BCAS3: variants seen among roughly 807,000 people sequenced by gnomAD.
The protein encoded by BCAS3 is BCAS3 microtubule associated cell migration factor.
BCAS3 carries 53 observed loss-of-function variants against 116.1 expected under a neutral mutation model. That is an observed-to-expected ratio of 0.46 (90% CI 0.37 to 0.57). The LOEUF (loss-of-function observed/expected upper bound fraction) is 0.57. Among genes scored for constraint, BCAS3 ranks in the 20% least tolerant of loss-of-function variants. BCAS3 has a pLI of 0.00. For synonymous variants in BCAS3, 391 were observed against 408.2 expected, an observed-to-expected ratio of 0.96 and a Z score of 0.51; for missense variants, 917 against 1,165.4, an observed-to-expected ratio of 0.79 and a Z score of 3.10.
chr17:61,175,447 T>A (rs1415958645), intron 22 of BCAS3, among the ~76,000 whole-genome samples: 1 of 151,984 alleles, frequency 6.6e-6, no homozygotes, highest in Non-Finnish European at 1.5e-5. Context: ...TTGAGATCAG[T>A]AACTCACATA....
At chr17:60,818,683 G>C (rs1352277986) in intron 7 of BCAS3, among the ~76,000 whole-genome samples, 2 of 152,096 alleles carry the variant, frequency 1.3e-5, no homozygotes, top group Non-Finnish European at 2.9e-5. Context: ...GCAGTTCCTT[G>C]GCACCAAATC....
Position 61,037,846 on chromosome 17 carries a change from T to G in BCAS3, c.1763-43T>G. On this transcript the variant is annotated intron_variant, in intron 17 of 23. Coordinates refer to ENST00000407086, the MANE Select transcript of BCAS3 (RefSeq NM_017679.5). This position sits in a 1 kb window ranked among gnomAD's most constrained non-coding sequence, Gnocchi z 4.7. ...TTGTAAAAATTATTCTGTGCTCCAT[T>G]TATGCCATCATAACACATCGGGTTC... 1 of 1,564,530 alleles carries G rather than the reference T, an allele frequency of 6.4e-7. No individual in the cohort carries two copies. The highest frequency in any genetic ancestry group is 8.8e-7 in the Non-Finnish European group (1 of 1,141,086).
rs2074641387 is a variant in BCAS3, at chr17:61,106,237, A to C, written c.2425+21673A>C. On this transcript the variant is annotated intron_variant, in intron 22 of 23. Transcript: ENST00000407086. The surrounding 1 kb of genome is among the most constrained non-coding windows in gnomAD (Gnocchi z 4.2). ...ATATAGGAAAAAACATGGTATATACAGTCATGTATGGCATAGTGACCTTTC... is the reference window on the plus strand; with the variant it reads ...ATATAGGAAAAAACATGGTATATACCGTCATGTATGGCATAGTGACCTTTC... Among the ~76,000 whole-genome samples the C allele has an allele frequency of 6.6e-6, 1 of 152,234 alleles. No homozygotes were observed. The highest frequency in any genetic ancestry group is 1.5e-5 in the Non-Finnish European group (1 of 68,046).
At position 61,259,950 on chromosome 17, in the gene BCAS3, G is replaced by A. The variant is rs1404560620; in HGVS notation, c.2426-108377G>A. On this transcript the variant is annotated intron_variant, in intron 22 of 23. Coordinates refer to ENST00000407086, the MANE Select transcript of BCAS3 (RefSeq NM_017679.5). The surrounding 1 kb of genome is among the most constrained non-coding windows in gnomAD (Gnocchi z 4.7). The stretch of plus-strand genomic sequence containing the variant: ...GCCACTATTTATTGAATTGCTGTGT[G>A]AGGTAGGCGTTGTACAGGCTGCCTA... 6.6e-6 allele frequency among the ~76,000 whole-genome samples: 1 copy of A among 152,210 alleles called. No individual in the cohort carries two copies. Among genetic ancestry groups the A allele is most frequent in the East Asian group, 1.9e-4 (1 of 5,204 alleles).
At chr17:60,836,437 G>C (rs966799133) in intron 7 of BCAS3, among the ~76,000 whole-genome samples, 2 of 151,994 alleles carry the variant, frequency 1.3e-5, no homozygotes, top group African/African-American at 4.8e-5. Context: ...TCTTTTTAGC[G>C]AAAGAACTTG....
chr17:60,963,611 A>C (rs2061514929), intron 14 of BCAS3, among the ~76,000 whole-genome samples: 1 of 145,054 alleles, frequency 6.9e-6, no homozygotes, highest in South Asian at 2.1e-4. Context: ...GCTGGAGTGC[A>C]GTGGCGCAAT....
At chr17:60,743,527 A>G (rs1421528793) in intron 5 of BCAS3, among the ~76,000 whole-genome samples, 1 of 151,712 alleles carries the variant, frequency 6.6e-6, no homozygotes, top group Non-Finnish European at 1.5e-5. Flanking sequence ...AAAAAAAATC[A>G]TTTGTGGACC....
In BCAS3 at chr17:60,747,242, A is replaced by G; in HGVS notation, c.366A>G (p.Pro122=). ...AQELFSVRHG[P]IRAARILPAP... is the part of the protein sequence containing the mutation. ...AGCTCTTCTCTGTTCGACATGGCCC[A>G]ATTCGAGCGGCTAGAATCTTGCCTG... The change falls in exon 6 of 24, where the codon CCA becomes CCG. Residue 122 remains proline, a synonymous_variant. Coordinates refer to ENST00000407086, the MANE Select transcript of BCAS3 (RefSeq NM_017679.5). 3 of 1,613,268 alleles carry G rather than the reference A, an allele frequency of 1.9e-6. No homozygotes were observed. The highest frequency in any genetic ancestry group is 1.7e-6 in the Non-Finnish European group (2 of 1,179,318).
intron 6 of BCAS3, among the ~76,000 whole-genome samples, chr17:60,806,229 G>A (rs1008986890): frequency 3.3e-5 from 5 of 152,094 alleles, no homozygotes; most frequent in African/African-American, 1.2e-4. Context: ...TTATGGAAAG[G>A]TATCTGGGAA....
At position 61,083,175 on chromosome 17, in the gene BCAS3, A is replaced by G. The variant is rs187721737; in HGVS notation, c.2328-1292A>G. On this transcript the variant is annotated intron_variant, in intron 21 of 23. Coordinates refer to ENST00000407086, the MANE Select transcript of BCAS3 (RefSeq NM_017679.5). The surrounding 1 kb of genome is among the most constrained non-coding windows in gnomAD (Gnocchi z 4.9). ...GCGTATATACTATTACTATATACAG[A>G]CCTAATCCCTGTTCCAGCTCTGCAA... Among the ~76,000 whole-genome samples, 1 of 152,310 alleles carries G rather than the reference A, an allele frequency of 6.6e-6. No homozygotes were observed. The highest frequency in any genetic ancestry group is 1.5e-5 in the Non-Finnish European group (1 of 68,032).
intron 22 of BCAS3, among the ~76,000 whole-genome samples, chr17:61,236,163 G>C (rs2083042234): frequency 6.6e-6 from 1 of 152,124 alleles, no homozygotes. Flanking sequence ...GCTATCATAC[G>C]TCAGAATCCT....
At chr17:60,813,505 GATATT>G (rs2144649033) in intron 7 of BCAS3, among the ~76,000 whole-genome samples, 1 of 152,234 alleles carries the variant, frequency 6.6e-6, no homozygotes, top group East Asian at 1.9e-4. Context: ...ATAGATTCTG[GATATT>G]AGATATTTGT....
intron 19 of BCAS3, among the ~76,000 whole-genome samples, chr17:61,054,213 G>A (rs921084824): frequency 2.0e-5 from 3 of 152,286 alleles, no homozygotes; most frequent in Admixed American, 6.5e-5. Context: ...TGCTGGTCTC[G>A]AGATGTTTCA....
intron 9 of BCAS3, among the ~76,000 whole-genome samples, chr17:60,882,039 T>G (rs1055416408): frequency 4.0e-5 from 6 of 148,740 alleles, no homozygotes; most frequent in Non-Finnish European, 8.9e-5. Context: ...ATGGATGAAC[T>G]AGTTTACAGT....
rs1278753861 is a variant in BCAS3 at position 61,151,980 on chromosome 17, A to G, written c.2425+67416A>G. 6.6e-6 allele frequency among the ~76,000 whole-genome samples: 1 copy of G among 152,158 alleles called. No individual in the cohort carries two copies. The highest frequency in any genetic ancestry group is 1.5e-5 in the Non-Finnish European group (1 of 68,012). On this transcript the variant is annotated intron_variant, in intron 22 of 23. Coordinates refer to ENST00000407086, the MANE Select transcript of BCAS3 (RefSeq NM_017679.5). This position sits in a 1 kb window ranked among gnomAD's most constrained non-coding sequence, Gnocchi z 4.8. ...AAGGATTCTCTGTGTGCCCAGGGAAAGTGGTTTTATGATAGGAAGGACAGT... is the reference window on the plus strand; with the variant it reads ...AAGGATTCTCTGTGTGCCCAGGGAAGGTGGTTTTATGATAGGAAGGACAGT...
chr17:61,277,767 G>A (rs2050894823), intron 22 of BCAS3, among the ~76,000 whole-genome samples: 1 of 152,128 alleles, frequency 6.6e-6, no homozygotes, highest in African/African-American at 2.4e-5. Flanking sequence ...AACCATCAGA[G>A]ATATTCAACT....
At chr17:60,957,310 G>A (rs7211162) in intron 14 of BCAS3, among the ~76,000 whole-genome samples, 22,543 of 152,076 alleles carry the variant, frequency 0.15, 5,527 homozygotes, top group African/African-American at 0.51. Flanking sequence ...GTTATTCAGT[G>A]TTATTAACTG....
At chr17:61,152,290 A>G (rs140160073) in intron 22 of BCAS3, among the ~76,000 whole-genome samples, 3 of 151,940 alleles carry the variant, frequency 2.0e-5, no homozygotes, top group East Asian at 3.9e-4. Context: ...CCTTTTTTCA[A>G]TCCTCCCTGC....
At chr17:61,094,711 G>A (rs1033627542) in intron 22 of BCAS3, among the ~76,000 whole-genome samples, 1 of 152,192 alleles carries the variant, frequency 6.6e-6, no homozygotes, top group Non-Finnish European at 1.5e-5. Context: ...GGGTGTGGTG[G>A]TGCATGCTTG....
Sources: gnomAD v4.1 joint callset for allele counts (sites outside exome capture counted in the v4.1 genomes callset) on GRCh38, gnomAD v4.1.1 for gene constraint, Gnocchi (gnomAD v3.1) non-coding constraint, MANE v1.5 for transcripts, NCBI Gene and HGNC (gene_info 2026-07-23, HGNC 2026-07-21) for gene names.